SLC25A18: variants seen among roughly 807,000 people sequenced by gnomAD.
SLC25A18 encodes mitochondrial glutamate carrier 2.
A neutral mutation model predicts 31.1 loss-of-function variants in SLC25A18; 24 were observed. The observed-to-expected ratio is 0.77, with a 90% CI of 0.56 to 1.08. The LOEUF is 1.08. Ranked by LOEUF, SLC25A18 falls within the 50% of genes least tolerant of loss-of-function variation. SLC25A18 has a pLI of 0.00. For synonymous variants in SLC25A18, 173 were observed against 161.9 expected (o/e 1.07, Z -0.52); for missense variants, 371 against 418.5 (o/e 0.89, Z 0.99).
rs536463657 is a variant in SLC25A18, at chr22:17,573,780, C to G, written c.-201+3794C>G. On this transcript the variant is annotated intron_variant, in intron 2 of 10. Coordinates refer to ENST00000327451, the MANE Select transcript of SLC25A18 (RefSeq NM_031481.3). ...AGTCACCAAGGCTCTCTACAAAGTT[C>G]TCTCCCAGTAACCCTTGTTCTCTAC... Among the ~76,000 whole-genome samples, 330 of 152,294 alleles carry G rather than the reference C, an allele frequency of 2.2e-3. 1 individual carries two copies. Among genetic ancestry groups the G allele is most frequent in the African/African-American group, 7.2e-3 (301 of 41,574 alleles).
chr22:17,564,837 A>C (rs1164598304), intron 1 of SLC25A18, among the ~76,000 whole-genome samples: 4 of 125,462 alleles, frequency 3.2e-5, no homozygotes, highest in Admixed American at 2.7e-4. Flanking sequence ...AGCCTGGGGG[A>C]CAGAGCAAGA....
intron 1 of SLC25A18, among the ~76,000 whole-genome samples, chr22:17,567,535 T>G (rs1159893369): frequency 6.6e-6 from 1 of 151,330 alleles, no homozygotes; most frequent in Non-Finnish European, 1.5e-5. Context: ...GTGCTGATTC[T>G]TCACCTCTCC....
chr22:17,563,779 G>A, intron 1 of SLC25A18, 66 bp downstream of exon 1: 6 of 915,306 alleles, frequency 6.6e-6, no homozygotes, highest in Non-Finnish European at 7.8e-6. Flanking sequence ...AACCAAAAGG[G>A]GGAAAAATAG....
Position 17,583,455 on chromosome 22 carries a change from T to G in SLC25A18, c.330T>G (p.Cys110Trp). ...TGAAGATGGAGATGCTTGCCGGGTG[T>G]GGGGCTGGGATGTGCCAGGTCGTGG... ...RNLKMEMLAG[C>W]GAGMCQVVVT... The change falls in exon 7 of 11, where the codon TGT becomes TGG. Residue 110 changes from cysteine (C) to tryptophan (W), a missense_variant. Transcript: ENST00000327451. The G allele has an allele frequency of 6.2e-7, 1 of 1,614,004 alleles. No individual in the cohort carries two copies.
At chr22:17,581,247 G>A in intron 4 of SLC25A18, 88 bp downstream of exon 4, 1 of 1,560,160 alleles carries the variant, frequency 6.4e-7, no homozygotes, top group Middle Eastern at 1.7e-4. Flanking sequence ...CAGCGCGCGT[G>A]AGCCTGGGGG....
At chr22:17,578,001 G>A (rs2057277886) in intron 2 of SLC25A18, among the ~76,000 whole-genome samples, 1 of 146,510 alleles carries the variant, frequency 6.8e-6, no homozygotes, top group Non-Finnish European at 1.5e-5. Flanking sequence ...TCTTCTTTGG[G>A]GGGCATAGGG....
chr22:17,571,140 G>A (rs1482099444), intron 2 of SLC25A18, among the ~76,000 whole-genome samples: 2 of 152,324 alleles, frequency 1.3e-5, no homozygotes, highest in East Asian at 1.9e-4. Context: ...AGCCTGTCCC[G>A]AGAGCCGTGG....
intron 6 of SLC25A18, 143 bp downstream of exon 6, chr22:17,582,796 T>C: frequency 2.8e-6 from 2 of 724,496 alleles, no homozygotes; most frequent in Non-Finnish European, 4.6e-6. Context: ...TGGTGTGTGT[T>C]TGGGCTGCTG....
At chr22:17,587,105 C>G in intron 7 of SLC25A18, 31 bp from the exon 8 acceptor site, 1 of 1,608,286 alleles carries the variant, frequency 6.2e-7, no homozygotes, top group Non-Finnish European at 8.5e-7. Flanking sequence ...TGTTGGGGAC[C>G]AGGTACTGAT....
At chr22:17,572,637 ATT>A (rs1274237439) in intron 2 of SLC25A18, among the ~76,000 whole-genome samples, 5 of 108,800 alleles carry the variant, frequency 4.6e-5, no homozygotes, top group East Asian at 5.1e-4. Flanking sequence ...CTACAAATAA[ATT>A]TTTTTTTTTT....
intron 2 of SLC25A18, among the ~76,000 whole-genome samples, chr22:17,578,854 C>T (rs1232807076): frequency 1.3e-5 from 2 of 152,126 alleles, no homozygotes; most frequent in Non-Finnish European, 2.9e-5. Context: ...GAGCTGAGAT[C>T]GTGCCATTGC....
intron 7 of SLC25A18, among the ~76,000 whole-genome samples, chr22:17,586,282 G>C (rs1170609452): frequency 1.3e-5 from 2 of 152,088 alleles, no homozygotes; most frequent in African/African-American, 2.4e-5. Flanking sequence ...TGGGAGGCAG[G>C]TGGATCACCT....
At chr22:17,577,055 CTG>C (rs2057245935) in intron 2 of SLC25A18, among the ~76,000 whole-genome samples, 1 of 151,566 alleles carries the variant, frequency 6.6e-6, no homozygotes, top group Non-Finnish European at 1.5e-5. Context: ...CAGAGTCTCA[CTG>C]TGTCACCCAG....
chr22:17,575,076 T>C (rs1290374709), intron 2 of SLC25A18, among the ~76,000 whole-genome samples: 2 of 151,390 alleles, frequency 1.3e-5, no homozygotes, highest in African/African-American at 4.9e-5. Context: ...AGTCTCAAAC[T>C]CGTGACCTCA....
chr22:17,590,165 C>A lies in SLC25A18; in HGVS notation c.877C>A (p.Pro293Thr), dbSNP rs748908064. Residue 293 changes from proline to threonine, a missense_variant, in exon 11 of 11, where the codon CCT becomes ACT. Pro to Thr is a conservative substitution (Grantham distance 38, BLOSUM62 -1). Transcript: ENST00000327451. ...GAGCRALVIAPLFGIAQGVYF... is the reference protein window; with the variant it reads ...GAGCRALVIATLFGIAQGVYF... ...TGGCTGCCGGGCACTGGTCATAGCA[C>A]CTCTCTTTGGGATTGCTCAAGGGGT... 1 of 1,614,224 alleles carries A rather than the reference C, an allele frequency of 6.2e-7. No individual in the cohort carries two copies. The highest frequency in any genetic ancestry group is 1.7e-5 in the Admixed American group (1 of 60,028).
chr22:17,587,819 T>C, intron 8 of SLC25A18, 106 bp from the exon 9 acceptor site: 1 of 1,410,270 alleles, frequency 7.1e-7, no homozygotes, highest in Non-Finnish European at 9.8e-7. Flanking sequence ...TCCCCGTGGC[T>C]CCTCTCACTG....
chr22:17,574,339 T>C (rs1274091293), intron 2 of SLC25A18, among the ~76,000 whole-genome samples: 2 of 152,074 alleles, frequency 1.3e-5, no homozygotes, highest in African/African-American at 2.4e-5. Context: ...ACAAAAAAAT[T>C]CCCTTTTAGG....
rs1215999546 is a variant in SLC25A18 at position 17,574,702 on chromosome 22, A to G, written c.-201+4716A>G. Among the ~76,000 whole-genome samples, 3 of 150,228 alleles carry G rather than the reference A, an allele frequency of 2.0e-5. No individual in the cohort carries two copies. In the East Asian group the frequency reaches 5.8e-4, roughly 29 times the overall value. ...TCGCCTGACTGATTTTTGTGTTTTT[A>G]GTAGAGACGGAGTTTCACTATGTTG... On this transcript the variant is annotated intron_variant, in intron 2 of 10. Transcript: ENST00000327451.
In SLC25A18 at chr22:17,577,481, A is replaced by C. The variant is rs5992746; in HGVS notation, c.-200-2264A>C. Among the ~76,000 whole-genome samples, 1,188 of 151,900 alleles carry C rather than the reference A, an allele frequency of 7.8e-3. 6 individuals carry two copies. The highest frequency in any genetic ancestry group is 0.01 in the Non-Finnish European group (710 of 67,990). Reference sequence around the variant, plus strand: ...CCCACAGTTTCTAAAGTAGTAATTTAGTTCTAGAAACAGCAGGGAATATGA... The same window carrying C: ...CCCACAGTTTCTAAAGTAGTAATTTCGTTCTAGAAACAGCAGGGAATATGA... On this transcript the variant is annotated intron_variant, in intron 2 of 10. Coordinates refer to ENST00000327451, the MANE Select transcript of SLC25A18 (RefSeq NM_031481.3).
Sources: allele counts gnomAD v4.1 joint callset (sites outside exome capture counted in the v4.1 genomes callset), GRCh38; gene constraint gnomAD v4.1.1; transcripts MANE v1.5; gene names NCBI Gene and HGNC (gene_info 2026-07-23, HGNC 2026-07-21).